Variants in TENM4 observed in about 807,000 individuals in gnomAD.
TENM4 encodes the protein teneurin-4.
A neutral mutation model predicts 243.3 loss-of-function variants in TENM4; 82 were observed. That is an observed-to-expected ratio of 0.34 (90% CI 0.28 to 0.40). TENM4 has a LOEUF of 0.40. Ranked by LOEUF, TENM4 falls within the 10% of genes least tolerant of loss-of-function variation. The pLI is 1.00. For missense variants in TENM4, 3,138 were observed against 3,673.3 expected, an observed-to-expected ratio of 0.85 and a Z score of 3.77; for synonymous variants, 1,412 against 1,456.3, an observed-to-expected ratio of 0.97 and a Z score of 0.69.
intron 1 of TENM4, among the ~76,000 whole-genome samples, chr11:79,417,201 C>T (rs969207745): frequency 6.6e-6 from 1 of 152,214 alleles, no homozygotes; most frequent in Non-Finnish European, 1.5e-5. Flanking sequence ...TGCGTTGACT[C>T]TTACGTAAGC....
At chr11:78,732,766 T>C (rs1265459914) in intron 20 of TENM4, among the ~76,000 whole-genome samples, 189 bp from the exon 21 acceptor site, 1 of 152,240 alleles carries the variant, frequency 6.6e-6, no homozygotes, top group Non-Finnish European at 1.5e-5. Context: ...AAGCAGTTTT[T>C]TTTTACCCCA....
At chr11:79,099,519 C>G (rs1277768670) in intron 4 of TENM4, among the ~76,000 whole-genome samples, 2 of 152,154 alleles carry the variant, frequency 1.3e-5, no homozygotes, top group Non-Finnish European at 2.9e-5. Flanking sequence ...ATCAGGTCTA[C>G]TAATTGCAAT....
intron 6 of TENM4, among the ~76,000 whole-genome samples, chr11:79,046,446 T>TC (rs1374692174): frequency 6.7e-6 from 1 of 149,144 alleles, no homozygotes; most frequent in South Asian, 2.1e-4. Context: ...GGATGAACTC[T>TC]CCCCCCCAAA....
intron 4 of TENM4, among the ~76,000 whole-genome samples, chr11:79,113,694 G>A (rs1399311597): frequency 6.6e-6 from 1 of 152,136 alleles, no homozygotes; most frequent in South Asian, 2.1e-4. Flanking sequence ...TCAATCCTGA[G>A]GTGTGTGTGG....
chr11:79,336,611 A>G (rs188749912), intron 1 of TENM4, among the ~76,000 whole-genome samples: 1 of 152,332 alleles, frequency 6.6e-6, no homozygotes, highest in Admixed American at 6.5e-5. Flanking sequence ...CAAATTACTT[A>G]ATCTCTCTAA....
chr11:79,315,527 G>T (rs1856789059), intron 1 of TENM4, among the ~76,000 whole-genome samples: 1 of 152,178 alleles, frequency 6.6e-6, no homozygotes, highest in African/African-American at 2.4e-5. Context: ...TCCTGTCCAT[G>T]GTGCTGAACA....
intron 1 of TENM4, among the ~76,000 whole-genome samples, chr11:79,317,441 G>A (rs1200675250): frequency 2.0e-5 from 3 of 152,132 alleles, no homozygotes; most frequent in Non-Finnish European, 4.4e-5. Context: ...GCCCTGTTAA[G>A]TTCCTCGGAA....
At position 78,825,183 on chromosome 11, in the gene TENM4, G is replaced by A. The variant is rs954280476; in HGVS notation, c.1682-10788C>T. On this transcript the variant is annotated intron_variant, in intron 12 of 33. Coordinates refer to ENST00000278550, the MANE Select transcript of TENM4 (RefSeq NM_001098816.3). ...TTTAGCCTTTAGAGTCACTACACCG[G>A]TCTAGGTCTGAATTCCAACCGTGTG... 7.9e-5 allele frequency among the ~76,000 whole-genome samples: 12 copies of A among 152,306 alleles called. No individual in the cohort carries two copies. In the South Asian group the frequency reaches 2.5e-3, roughly 32 times the overall value.
At chr11:79,152,139 G>A (rs1862523522) in intron 3 of TENM4, among the ~76,000 whole-genome samples, 1 of 152,144 alleles carries the variant, frequency 6.6e-6, no homozygotes, top group East Asian at 1.9e-4. Context: ...AACGCAATGT[G>A]TCCATTGAGC....
At chr11:78,785,637 C>T (rs188587382) in intron 16 of TENM4, among the ~76,000 whole-genome samples, 20 of 152,212 alleles carry the variant, frequency 1.3e-4, no homozygotes, top group Non-Finnish European at 2.1e-4. Context: ...GTGCAGCTCT[C>T]GGCACGTTGT....
At chr11:78,938,554 A>G (rs956466480) in intron 6 of TENM4, among the ~76,000 whole-genome samples, 8 of 152,222 alleles carry the variant, frequency 5.3e-5, no homozygotes, top group African/African-American at 1.9e-4. Context: ...GAACAAAAAT[A>G]ACAAAAGAAA....
chr11:79,121,280 T>G (rs58980140), intron 4 of TENM4, among the ~76,000 whole-genome samples: 1,934 of 152,176 alleles, frequency 0.013, 33 homozygotes, highest in African/African-American at 0.045. Context: ...CACCCCAAAG[T>G]GGAAGTCAAA....
intron 25 of TENM4, among the ~76,000 whole-genome samples, chr11:78,715,607 G>A (rs1249903966): frequency 6.6e-6 from 1 of 152,138 alleles, no homozygotes; most frequent in Non-Finnish European, 1.5e-5. Flanking sequence ...GAGGTCTGCT[G>A]GTAAGTTAAG....
At chr11:79,123,177 A>G (rs971697167) in intron 4 of TENM4, among the ~76,000 whole-genome samples, 3 of 152,222 alleles carry the variant, frequency 2.0e-5, no homozygotes, top group African/African-American at 7.2e-5. Context: ...GGACTGTCTC[A>G]TGTATCTTAT....
intron 6 of TENM4, among the ~76,000 whole-genome samples, chr11:79,000,403 G>T (rs1858286066): frequency 6.6e-6 from 1 of 151,814 alleles, no homozygotes; most frequent in Admixed American, 6.6e-5. Context: ...AAAAATATAA[G>T]ATTGAGTGAA....
chr11:79,016,460 G>T (rs1858776966), intron 6 of TENM4, among the ~76,000 whole-genome samples: 1 of 152,132 alleles, frequency 6.6e-6, no homozygotes, highest in Non-Finnish European at 1.5e-5. Flanking sequence ...GAAAGATAAT[G>T]GATTTGGGGT....
intron 2 of TENM4, among the ~76,000 whole-genome samples, chr11:79,218,229 T>TCCCC (rs1864090895): frequency 4.4e-5 from 1 of 22,640 alleles, no homozygotes; most frequent in African/African-American, 1.2e-4. Flanking sequence ...GTTTACCCCC[T>TCCCC]GCCCACCCAC....
At chr11:78,970,487 G>C (rs1314160762) in intron 6 of TENM4, among the ~76,000 whole-genome samples, 8 of 152,086 alleles carry the variant, frequency 5.3e-5, no homozygotes, top group Non-Finnish European at 1.0e-4. Flanking sequence ...GTATTGATTT[G>C]GTCAATTAAT....
At chr11:79,023,866 G>T (rs2136818715) in intron 6 of TENM4, among the ~76,000 whole-genome samples, 1 of 152,276 alleles carries the variant, frequency 6.6e-6, no homozygotes. Flanking sequence ...CCCTGATGTG[G>T]CTTGATAGGC....
Sources: allele counts gnomAD v4.1 joint callset (sites outside exome capture counted in the v4.1 genomes callset), GRCh38; gene constraint gnomAD v4.1.1; transcripts MANE v1.5; gene names NCBI Gene and HGNC (gene_info 2026-07-23, HGNC 2026-07-21).